Variants in NAALADL2 observed in about 807,000 individuals in gnomAD.
NAALADL2 encodes the protein N-acetylated alpha-linked acidic dipeptidase like 2.
Under a neutral mutation model 87.2 loss-of-function variants are expected in NAALADL2, and 76 were observed. The observed-to-expected ratio is 0.87, with a 90% confidence interval of 0.72 to 1.05. NAALADL2 has a LOEUF of 1.05. Ranked by LOEUF, NAALADL2 falls within the 50% of genes least tolerant of loss-of-function variation. The pLI, the probability that NAALADL2 is intolerant of heterozygous loss-of-function variation, is 0.00. For missense variants in NAALADL2, 1,089 were observed against 945.8 expected (o/e 1.15, Z -1.99); for synonymous variants, 354 against 331.0 (o/e 1.07, Z -0.75).
rs113232670 is a variant in NAALADL2, at chr3:174,613,377, C to A, written c.-115+62740C>A. 8.7e-3 allele frequency among the ~76,000 whole-genome samples: 1,327 copies of A among 152,304 alleles called. 15 individuals carry two copies. Among genetic ancestry groups the A allele is most frequent in the African/African-American group, 0.031 (1,281 of 41,578 alleles). On this transcript the variant is annotated intron_variant, in intron 2 of 3. Transcript: ENST00000434257. ...ATCCCTTCAGCACAGTGAGTTCCTG[C>A]AGGCCCCAGCTGGGTTCACAGATGC...
intron 4 of NAALADL2, among the ~76,000 whole-genome samples, chr3:175,271,925 C>G (rs1752902967): frequency 6.6e-6 from 1 of 152,248 alleles, no homozygotes; most frequent in Non-Finnish European, 1.5e-5. Flanking sequence ...CTGTCCCTGT[C>G]TGTTTTTAGA....
chr3:175,454,217 G>A (rs1464962378), intron 6 of NAALADL2, among the ~76,000 whole-genome samples: 1 of 151,838 alleles, frequency 6.6e-6, no homozygotes, highest in East Asian at 1.9e-4. Flanking sequence ...CTTAATTAGG[G>A]TTTCTTCTTT....
At chr3:175,469,589 C>T (rs978515647) in intron 8 of NAALADL2, among the ~76,000 whole-genome samples, 1 of 152,006 alleles carries the variant, frequency 6.6e-6, no homozygotes. Flanking sequence ...AAAATTATAA[C>T]ATTTTGCTAA....
intron 5 of NAALADL2, among the ~76,000 whole-genome samples, chr3:175,439,930 C>T (rs1719451202): frequency 6.6e-6 from 1 of 151,890 alleles, no homozygotes; most frequent in African/African-American, 2.4e-5. Flanking sequence ...GTTACATTTG[C>T]TTTTGGGTTC....
intron 5 of NAALADL2, among the ~76,000 whole-genome samples, chr3:175,386,895 G>A (rs1230473300): frequency 6.6e-6 from 1 of 152,036 alleles, no homozygotes; most frequent in East Asian, 1.9e-4. Context: ...GTCCCAAAGT[G>A]CAAGATAAAT....
intron 1 of NAALADL2, among the ~76,000 whole-genome samples, chr3:175,034,156 T>G (rs1345465533): frequency 6.6e-6 from 1 of 152,200 alleles, no homozygotes; most frequent in Non-Finnish European, 1.5e-5. Flanking sequence ...TGATTCAATC[T>G]TGCTGTCTCC....
chr3:175,592,601 C>T (rs1038961157), intron 10 of NAALADL2, among the ~76,000 whole-genome samples: 3 of 151,852 alleles, frequency 2.0e-5, no homozygotes, highest in Admixed American at 6.6e-5. Context: ...GACATGGATG[C>T]AATTGGAAAT....
intron 11 of NAALADL2, among the ~76,000 whole-genome samples, chr3:175,631,794 T>C (rs1329918060): frequency 6.6e-6 from 1 of 152,022 alleles, no homozygotes. Context: ...CATGTATTCA[T>C]GTTTTTAAAT....
At chr3:174,914,922 G>A (rs978794873) in intron 1 of NAALADL2, among the ~76,000 whole-genome samples, 1 of 152,034 alleles carries the variant, frequency 6.6e-6, no homozygotes, top group Non-Finnish European at 1.5e-5. Context: ...ATTTTTGGAT[G>A]CTTTAGTGTA....
intron 1 of NAALADL2, among the ~76,000 whole-genome samples, chr3:175,039,076 A>C (rs1753749891): frequency 6.6e-6 from 1 of 152,136 alleles, no homozygotes; most frequent in Non-Finnish European, 1.5e-5. Flanking sequence ...CAAATATAAT[A>C]ATGAATATTC....
At chr3:175,371,262 T>TATC (rs1338799161) in intron 5 of NAALADL2, among the ~76,000 whole-genome samples, 1 of 151,518 alleles carries the variant, frequency 6.6e-6, no homozygotes, top group Non-Finnish European at 1.5e-5. Context: ...TTATGGATGA[T>TATC]ATTATTATTA....
chr3:175,065,938 A>G (rs1374411243), intron 1 of NAALADL2, among the ~76,000 whole-genome samples: 5 of 152,210 alleles, frequency 3.3e-5, no homozygotes, highest in Non-Finnish European at 7.4e-5. Flanking sequence ...ACCCTCTCAC[A>G]TAACGGTATT....
chr3:174,665,123 G>C (rs930098852), intron 2 of NAALADL2, among the ~76,000 whole-genome samples: 2 of 152,166 alleles, frequency 1.3e-5, no homozygotes, highest in Non-Finnish European at 2.9e-5. Flanking sequence ...CAGCAGACTT[G>C]AGAAAGAAGA....
chr3:174,867,494 A>T (rs901568278), intron 1 of NAALADL2, among the ~76,000 whole-genome samples: 1 of 152,014 alleles, frequency 6.6e-6, no homozygotes, highest in African/African-American at 2.4e-5. Context: ...CTGCAATAAA[A>T]TGTTCTCTTC....
chr3:175,319,896 G>A (rs1759627646), intron 4 of NAALADL2, among the ~76,000 whole-genome samples: 1 of 152,174 alleles, frequency 6.6e-6, no homozygotes, highest in Non-Finnish European at 1.5e-5. Flanking sequence ...CAATACTCTT[G>A]AAAGCCTGCT....
chr3:174,510,866 A>T (rs1719557344), intron 1 of NAALADL2, among the ~76,000 whole-genome samples: 2 of 151,860 alleles, frequency 1.3e-5, no homozygotes, highest in South Asian at 4.1e-4. Flanking sequence ...GCACTGACTT[A>T]ATTGCTTTCC....
At chr3:175,074,959 G>A (rs1009558758) in intron 1 of NAALADL2, among the ~76,000 whole-genome samples, 2 of 151,944 alleles carry the variant, frequency 1.3e-5, no homozygotes, top group African/African-American at 4.8e-5. Flanking sequence ...GAAGACAAAA[G>A]TATTTATGAA....
At chr3:174,561,231 C>A (rs1185768916) in intron 2 of NAALADL2, among the ~76,000 whole-genome samples, 1 of 144,700 alleles carries the variant, frequency 6.9e-6, no homozygotes, top group African/African-American at 2.6e-5. Flanking sequence ...GAAAGAGTCT[C>A]GCTCTGTCAC....
At chr3:175,414,682 T>G (rs1387523625) in intron 5 of NAALADL2, among the ~76,000 whole-genome samples, 2 of 152,176 alleles carry the variant, frequency 1.3e-5, no homozygotes, top group Non-Finnish European at 2.9e-5. Context: ...ATTTCAAAGT[T>G]CCTTCAACTC....
Sources: allele counts gnomAD v4.1 joint callset (sites outside exome capture counted in the v4.1 genomes callset), GRCh38; gene constraint gnomAD v4.1.1; transcripts MANE v1.5; gene names NCBI Gene and HGNC (gene_info 2026-07-23, HGNC 2026-07-21).